ADAMTS6: variants seen among roughly 807,000 people sequenced by gnomAD.
The protein encoded by ADAMTS6 is ADAM metallopeptidase with thrombospondin type 1 motif 6.
In ADAMTS6, 23 loss-of-function variants were observed where a neutral mutation model predicts 144.3. That is an observed-to-expected ratio of 0.16 (90% CI 0.11 to 0.23). ADAMTS6 has a LOEUF of 0.23. Ranked by LOEUF, ADAMTS6 falls within the 10% of genes least tolerant of loss-of-function variation. The probability of loss-of-function intolerance (pLI) is 1.00; values close to 1 mark genes in which losing one functional copy is unlikely to be tolerated. For synonymous variants in ADAMTS6, 444 were observed against 457.5 expected (o/e 0.97, Z 0.38); for missense variants, 999 against 1,379.6 (o/e 0.72, Z 4.37).
chr5:65,467,398 G>A (rs245528), intron 3 of ADAMTS6, among the ~76,000 whole-genome samples: 79,640 of 151,660 alleles, frequency 0.53, 22,441 homozygotes, highest in African/African-American at 0.74. Context: ...CATGTTATAA[G>A]TTCCTGAAAC....
chr5:65,341,150 C>A (rs900472804), intron 7 of ADAMTS6, among the ~76,000 whole-genome samples: 2 of 151,844 alleles, frequency 1.3e-5, no homozygotes, highest in Non-Finnish European at 2.9e-5. Context: ...TTTAAAATTT[C>A]TTGAAACAAA....
At chr5:65,324,054 C>T (rs1008570772) in intron 9 of ADAMTS6, among the ~76,000 whole-genome samples, 7 of 152,042 alleles carry the variant, frequency 4.6e-5, no homozygotes, top group Non-Finnish European at 7.4e-5. Flanking sequence ...AAAATTTTCT[C>T]CCATTCTGTA....
At chr5:65,317,487 CA>C (rs1007808930) in intron 9 of ADAMTS6, among the ~76,000 whole-genome samples, 4 of 152,260 alleles carry the variant, frequency 2.6e-5, no homozygotes, top group Non-Finnish European at 5.9e-5. Flanking sequence ...ATCTCCAAGA[CA>C]GTGGTCTGGG....
chr5:65,479,021 C>A (rs902389692), intron 1 of ADAMTS6, among the ~76,000 whole-genome samples: 2 of 152,118 alleles, frequency 1.3e-5, no homozygotes, highest in African/African-American at 4.8e-5. Flanking sequence ...CGGGGAGTAG[C>A]CAAGGTAATA....
chr5:65,208,458 T>C (rs1756273043), intron 20 of ADAMTS6, among the ~76,000 whole-genome samples: 2 of 152,142 alleles, frequency 1.3e-5, no homozygotes, highest in African/African-American at 4.8e-5. Context: ...AATTTCAAGC[T>C]AGTGAAGGAG....
At chr5:65,375,609 C>T (rs1439992384) in intron 7 of ADAMTS6, among the ~76,000 whole-genome samples, 1 of 151,964 alleles carries the variant, frequency 6.6e-6, no homozygotes, top group East Asian at 1.9e-4. Flanking sequence ...AGTCAGAAAA[C>T]AACAGGGGCT....
At chr5:65,419,862 C>A (rs1277101863) in intron 7 of ADAMTS6, among the ~76,000 whole-genome samples, 1 of 152,130 alleles carries the variant, frequency 6.6e-6, no homozygotes, top group Non-Finnish European at 1.5e-5. Context: ...CAAATGGGCA[C>A]AAGGTTTCTT....
At chr5:65,243,657 T>G (rs1358098453) in intron 14 of ADAMTS6, among the ~76,000 whole-genome samples, 2 of 152,118 alleles carry the variant, frequency 1.3e-5, no homozygotes, top group East Asian at 3.8e-4. Context: ...GGGTCTTTTT[T>G]TTCCTGGTCT....
rs2111919587 is a variant in ADAMTS6, at chr5:65,149,732, T to G, written c.*2104A>C. 6.5e-6 allele frequency: 1 copy of G among 152,754 alleles called. No individual in the cohort carries two copies. Among genetic ancestry groups the G allele is most frequent in the African/African-American group, 2.4e-5 (1 of 41,574 alleles). 9.5% of individuals were successfully genotyped at this position (152,754 alleles called of 1,614,324 possible). A position where few individuals can be genotyped will look rare whatever the true frequency, so the allele number is the denominator to read the frequency against. ...TGCCACAGAAACTGCCCATCTTTTA[T>G]TTATTTCACCAGGGCACATTAGCAC... On this transcript the variant is annotated 3_prime_UTR_variant, in exon 25 of 25. Transcript: ENST00000381055.
chr5:65,438,774 A>AT (rs1561542437), intron 7 of ADAMTS6, among the ~76,000 whole-genome samples: 1 of 152,234 alleles, frequency 6.6e-6, no homozygotes, highest in South Asian at 2.1e-4. Context: ...CATTTAATAC[A>AT]TTTTTTATTC....
At chr5:65,153,575 T>C (rs984759881) in intron 24 of ADAMTS6, among the ~76,000 whole-genome samples, 7 of 152,232 alleles carry the variant, frequency 4.6e-5, no homozygotes, top group Non-Finnish European at 1.0e-4. Flanking sequence ...ATTATTACAA[T>C]TATTAGTTAT....
chr5:65,230,983 G>A (rs1758195817), intron 15 of ADAMTS6, among the ~76,000 whole-genome samples: 1 of 149,384 alleles, frequency 6.7e-6, no homozygotes, highest in African/African-American at 2.4e-5. Flanking sequence ...AACAAAAAAA[G>A]TCTACAAAAC....
chr5:65,443,010 C>A (rs62368971), intron 7 of ADAMTS6, among the ~76,000 whole-genome samples: 2 of 152,006 alleles, frequency 1.3e-5, no homozygotes, highest in Non-Finnish European at 2.9e-5. Flanking sequence ...GACATAATCT[C>A]GTTCCTTTTT....
chr5:65,326,198 T>C (rs1041039210), intron 9 of ADAMTS6, among the ~76,000 whole-genome samples: 1 of 152,148 alleles, frequency 6.6e-6, no homozygotes, highest in African/African-American at 2.4e-5. Context: ...CTGGCTGAAT[T>C]CTTGCCACCC....
At chr5:65,412,715 C>T (rs1306138239) in intron 7 of ADAMTS6, among the ~76,000 whole-genome samples, 1 of 151,890 alleles carries the variant, frequency 6.6e-6, no homozygotes, top group Non-Finnish European at 1.5e-5. Flanking sequence ...AAACAAAATG[C>T]TTATGCAAAA....
At chr5:65,173,991 C>G (rs1391336841) in intron 22 of ADAMTS6, among the ~76,000 whole-genome samples, 1 of 148,546 alleles carries the variant, frequency 6.7e-6, no homozygotes. Context: ...CACTGCACTC[C>G]AGCCTAGAGA....
At chr5:65,250,767 C>G (rs1760088716) in intron 14 of ADAMTS6, among the ~76,000 whole-genome samples, 1 of 152,128 alleles carries the variant, frequency 6.6e-6, no homozygotes, top group Admixed American at 6.5e-5. Flanking sequence ...ATACAAAGAT[C>G]ATTTTGTTTT....
At chr5:65,288,695 T>C (rs759151640) in intron 11 of ADAMTS6, among the ~76,000 whole-genome samples, 5 of 152,204 alleles carry the variant, frequency 3.3e-5, no homozygotes, top group Non-Finnish European at 5.9e-5. Flanking sequence ...TCATGATTTT[T>C]CAACACCAGA....
intron 9 of ADAMTS6, among the ~76,000 whole-genome samples, chr5:65,306,840 G>T (rs900136968): frequency 2.6e-5 from 4 of 152,104 alleles, no homozygotes; most frequent in African/African-American, 9.7e-5. Flanking sequence ...TTTGTAAAGT[G>T]TTCAACTATT....
Sources: allele counts gnomAD v4.1 joint callset (sites outside exome capture counted in the v4.1 genomes callset), GRCh38; gene constraint gnomAD v4.1.1; transcripts MANE v1.5; gene names NCBI Gene and HGNC (gene_info 2026-07-23, HGNC 2026-07-21).